Variants in NAV3 observed in about 807,000 individuals in gnomAD.
NAV3 encodes pore membrane and/or filament interacting like protein 1.
A neutral mutation model predicts 244.7 loss-of-function variants in NAV3; 87 were observed. The ratio of observed to expected loss-of-function variants is 0.36; its 90% CI spans 0.30 to 0.42. The LOEUF is 0.42. NAV3 is among the 20% of genes least tolerant of loss of function. The pLI is 1.00. For synonymous variants in NAV3, 1,126 were observed against 1,042.2 expected (o/e 1.08, Z -1.55); for missense variants, 2,663 against 2,893.3 (o/e 0.92, Z 1.83).
At chr12:77,768,715 T>C (rs188632294) in intron 2 of NAV3, among the ~76,000 whole-genome samples, 1 of 152,334 alleles carries the variant, frequency 6.6e-6, no homozygotes, top group African/African-American at 2.4e-5. Flanking sequence ...TAGCTACAGC[T>C]GGAGAGCTGA....
chr12:77,703,337 A>G (rs58020327), intron 2 of NAV3, among the ~76,000 whole-genome samples: 3,802 of 152,158 alleles, frequency 0.025, 90 homozygotes, highest in African/African-American at 0.06. Context: ...AGATTCATCC[A>G]TCTTATTACA....
intron 2 of NAV3, among the ~76,000 whole-genome samples, chr12:77,618,426 T>A (rs1350532352): frequency 1.3e-5 from 2 of 152,218 alleles, no homozygotes; most frequent in African/African-American, 4.8e-5. Context: ...CATAATGTTT[T>A]GTCTACTAGA....
At position 77,860,045 on chromosome 12, in the gene NAV3, G is replaced by T. The variant is rs139496172; in HGVS notation, c.243+28341G>T. Reference sequence around the variant, plus strand: ...TGGTAGCTATATATGAACTGATAATGAAATAGCCTCAAGATTTATTAAGTG... The same window carrying T: ...TGGTAGCTATATATGAACTGATAATTAAATAGCCTCAAGATTTATTAAGTG... On this transcript the variant is annotated intron_variant, in intron 1 of 39. Transcript: ENST00000397909. Among the ~76,000 whole-genome samples the T allele has an allele frequency of 3.2e-3, 483 of 151,876 alleles. 3 individuals are homozygous for T. Among genetic ancestry groups the T allele is most frequent in the Non-Finnish European group, 5.3e-3 (358 of 67,842 alleles).
chr12:77,766,558 T>C (rs1416953632), intron 2 of NAV3, among the ~76,000 whole-genome samples: 1 of 152,054 alleles, frequency 6.6e-6, no homozygotes, highest in Non-Finnish European at 1.5e-5. Context: ...GCATTTAAAA[T>C]GTATTGATAG....
intron 5 of NAV3, among the ~76,000 whole-genome samples, chr12:77,983,274 T>G (rs1869890223): frequency 6.6e-6 from 1 of 152,160 alleles, no homozygotes; most frequent in South Asian, 2.1e-4. Flanking sequence ...TGGACCCTGC[T>G]CTGGTGGCAA....
At chr12:77,828,989 A>G (rs1873307906), upstream of NAV3, among the ~76,000 whole-genome samples, 1 of 152,244 alleles carries the variant, frequency 6.6e-6, no homozygotes, top group South Asian at 2.1e-4. Context: ...GGGAAGCAGA[A>G]TAGTCAGCGT....
intron 2 of NAV3, among the ~76,000 whole-genome samples, chr12:77,715,785 T>C (rs1357071269): frequency 6.6e-6 from 1 of 152,018 alleles, no homozygotes; most frequent in Non-Finnish European, 1.5e-5. Context: ...GTTGTATATT[T>C]TTCTGCACAC....
intron 1 of NAV3, among the ~76,000 whole-genome samples, chr12:77,884,207 G>T (rs1243438514): frequency 6.6e-6 from 1 of 152,138 alleles, no homozygotes; most frequent in Non-Finnish European, 1.5e-5. Context: ...AGAATTGATG[G>T]ATGGACGGAG....
At chr12:77,902,866 C>CA (rs1885477947) in intron 1 of NAV3, among the ~76,000 whole-genome samples, 1 of 152,208 alleles carries the variant, frequency 6.6e-6, no homozygotes, top group South Asian at 2.1e-4. Flanking sequence ...AACAGAGAGC[C>CA]AAATCATGAG....
rs189889661 is a variant in NAV3 at position 77,663,583 on chromosome 12, G to A, written c.72+91317G>A. Reference sequence around the variant, plus strand: ...GTTGCCCAGGCTGGAGCGCAATGGCGCGATCTCGGCTCACTGCAGCCTTGG... The same window carrying A: ...GTTGCCCAGGCTGGAGCGCAATGGCACGATCTCGGCTCACTGCAGCCTTGG... On this transcript the variant is annotated intron_variant, in intron 2 of 8. Transcript: ENST00000550042. 2.6e-3 allele frequency among the ~76,000 whole-genome samples: 384 copies of A among 150,532 alleles called. 1 individual carries two copies. Among genetic ancestry groups the A allele is most frequent in the African/African-American group, 8.9e-3 (365 of 40,922 alleles).
intron 1 of NAV3, among the ~76,000 whole-genome samples, chr12:77,894,736 G>T (rs1171392054): frequency 6.6e-6 from 1 of 152,128 alleles, no homozygotes; most frequent in Non-Finnish European, 1.5e-5. Context: ...GGGAGAGTTG[G>T]GTAACTGAAG....
At chr12:77,743,473 A>G (rs556680860) in intron 2 of NAV3, among the ~76,000 whole-genome samples, 1 of 151,990 alleles carries the variant, frequency 6.6e-6, no homozygotes, top group African/African-American at 2.4e-5. Flanking sequence ...ATATAAAAAC[A>G]TATGTCCACA....
intron 1 of NAV3, among the ~76,000 whole-genome samples, chr12:77,854,198 T>C (rs1231130468): frequency 1.3e-5 from 2 of 152,148 alleles, no homozygotes; most frequent in East Asian, 3.8e-4. Context: ...TAAAAATTAA[T>C]AGAAAGCAAT....
At chr12:77,630,520 T>C (rs929040351) in intron 2 of NAV3, among the ~76,000 whole-genome samples, 3 of 152,196 alleles carry the variant, frequency 2.0e-5, no homozygotes, top group Admixed American at 2.0e-4. Context: ...GTCAGCTTTG[T>C]AACAGAATAA....
chr12:77,596,901 TG>T (rs1214083789), intron 2 of NAV3, among the ~76,000 whole-genome samples: 1 of 152,034 alleles, frequency 6.6e-6, no homozygotes, highest in Non-Finnish European at 1.5e-5. Context: ...TAAATTGGTA[TG>T]GTGGAGAGGG....
At chr12:78,068,231 A>T (rs1276438949) in intron 12 of NAV3, among the ~76,000 whole-genome samples, 4 of 151,972 alleles carry the variant, frequency 2.6e-5, no homozygotes, top group Non-Finnish European at 4.4e-5. Flanking sequence ...TTACCCATAG[A>T]TACTTTCTTA....
At chr12:77,917,221 T>C (rs2137118938) in intron 1 of NAV3, among the ~76,000 whole-genome samples, 1 of 152,014 alleles carries the variant, frequency 6.6e-6, no homozygotes, top group East Asian at 1.9e-4. Context: ...ACCTTCCTTA[T>C]AACTAAATGG....
intron 2 of NAV3, among the ~76,000 whole-genome samples, chr12:77,695,606 C>T (rs1875259078): frequency 6.6e-6 from 1 of 152,046 alleles, no homozygotes; most frequent in Non-Finnish European, 1.5e-5. Flanking sequence ...TCTTTGTTCA[C>T]CTGTATGGTA....
intron 2 of NAV3, among the ~76,000 whole-genome samples, chr12:77,628,207 C>A (rs1871722707): frequency 6.6e-6 from 1 of 152,132 alleles, no homozygotes; most frequent in South Asian, 2.1e-4. Flanking sequence ...TATCTTAAAT[C>A]CTCTGATGTG....
Sources: gnomAD v4.1 joint callset for allele counts (sites outside exome capture counted in the v4.1 genomes callset) on GRCh38, gnomAD v4.1.1 for gene constraint, MANE v1.5 for transcripts, NCBI Gene and HGNC (gene_info 2026-07-23, HGNC 2026-07-21) for gene names.